FEM1B: variants seen among roughly 807,000 people sequenced by gnomAD.
The protein encoded by FEM1B is protein fem-1 homolog B.
A neutral mutation model predicts 38.6 loss-of-function variants in FEM1B; 10 were observed. That is an observed-to-expected ratio of 0.26 (90% CI 0.16 to 0.44). The LOEUF (loss-of-function observed/expected upper bound fraction) is 0.44, where lower values mean the gene tolerates loss of function less well. Among genes scored for constraint, FEM1B ranks in the 20% least tolerant of loss-of-function variants. The pLI, the probability that FEM1B is intolerant of heterozygous loss-of-function variation, is 1.00. For synonymous variants in FEM1B, 288 were observed against 288.0 expected (o/e 1.00, Z 0.00); for missense variants, 471 against 786.7 (o/e 0.60, Z 4.80).
At position 68,295,579 on chromosome 15, in the gene FEM1B, A is replaced by G. The variant is rs1469085921; in HGVS notation, c.*4337A>G. The G allele has an allele frequency of 6.6e-6, 1 of 152,220 alleles. No homozygotes were observed. The highest frequency in any genetic ancestry group is 1.5e-5 in the Non-Finnish European group (1 of 68,032). The allele number at this position is 152,220 out of a possible 1,614,324, so 9.4% of individuals were successfully genotyped here. ...CAGAGGAACTACACTGTTGTATTCT[A>G]GTAATTCACTGTGATTTATAACAAA... On this transcript the variant is annotated 3_prime_UTR_variant, in exon 2 of 2. Coordinates refer to ENST00000306917, the MANE Select transcript of FEM1B (RefSeq NM_015322.5).
rs1255621264 is a variant in FEM1B at position 68,291,063 on chromosome 15, A to T, written c.1705A>T (p.Thr569Ser). ...TGAAGCCGGAGCTCACACTGACATG[A>T]CGAATAAACAGAATAAGACTCCGCT... The part of the protein sequence containing the change: ...LVEAGAHTDM[T>S]NKQNKTPLDK... The change falls in exon 2 of 2, where the codon ACG becomes TCG. Residue 569 changes from threonine (T) to serine (S), a missense_variant. Thr to Ser is a moderately conservative substitution (Grantham distance 58). This residue lies in a region of FEM1B where 380 missense variants were observed against 599.6 expected (regional missense o/e 0.63). Coordinates refer to ENST00000306917, the MANE Select transcript of FEM1B (RefSeq NM_015322.5). The surrounding 1 kb of genome is among the most constrained non-coding windows in gnomAD (Gnocchi z 6.9). 1 of 1,614,118 alleles carries T rather than the reference A, an allele frequency of 6.2e-7. No homozygotes were observed. Among genetic ancestry groups the T allele is most frequent in the South Asian group, 1.1e-5 (1 of 91,088 alleles).
At position 68,294,069 on chromosome 15, in the gene FEM1B, A is replaced by C. The variant is rs1892876802; in HGVS notation, c.*2827A>C. ...TTCATTCGCAAATCATGAGAAACTT[A>C]AGTGGGTTTTATGCACTTGATAGAG... On this transcript the variant is annotated 3_prime_UTR_variant, in exon 2 of 2. Transcript: ENST00000306917. The surrounding 1 kb of genome is among the most constrained non-coding windows in gnomAD (Gnocchi z 4.4). 6.6e-6 allele frequency: 1 copy of C among 152,214 alleles called. No homozygotes were observed. The highest frequency in any genetic ancestry group is 6.5e-5 in the Admixed American group (1 of 15,280). 9.4% of individuals were successfully genotyped at this position (152,214 alleles called of 1,614,324 possible).
chr15:68,279,066 A>C (rs777247568), intron 1 of FEM1B, among the ~76,000 whole-genome samples: 3 of 152,222 alleles, frequency 2.0e-5, no homozygotes, highest in Non-Finnish European at 4.4e-5. Flanking sequence ...AAGAACTCCG[A>C]AAGAGTTATT....
rs1567112727 is a variant in FEM1B at position 68,281,640 on chromosome 15, C to CG, written c.248+2977dup. 6.6e-6 allele frequency among the ~76,000 whole-genome samples: 1 copy of CG among 151,690 alleles called. No homozygotes were observed. Among genetic ancestry groups the CG allele is most frequent in the African/African-American group, 2.4e-5 (1 of 41,208 alleles). ...TCTTGTTCACTTTTTTTTTTTGAGACGGAGTCTCGCTCTGTCGCCGGGGCT... is the reference window on the plus strand; with the variant it reads ...TCTTGTTCACTTTTTTTTTTTGAGACGGGAGTCTCGCTCTGTCGCCGGGGCT... On this transcript the variant is annotated intron_variant, in intron 1 of 1. Transcript: ENST00000306917. The surrounding 1 kb of genome is among the most constrained non-coding windows in gnomAD (Gnocchi z 5.1).
Position 68,278,449 on chromosome 15 carries a change from C to G in FEM1B, c.32C>G (p.Ala11Gly). MEGLAGYVYK[A>G]ASEGKVLTLA... ...GGCCTGGCTGGCTATGTATACAAGG[C>G]GGCCAGCGAGGGCAAGGTGCTGACT... Residue 11 changes from alanine (A) to glycine (G), a missense_variant, in exon 1 of 2, where the codon GCG (alanine) becomes GGG (glycine). Coordinates refer to ENST00000306917, the MANE Select transcript of FEM1B (RefSeq NM_015322.5). The surrounding 1 kb of genome is among the most constrained non-coding windows in gnomAD (Gnocchi z 5.7). The G allele has an allele frequency of 6.2e-7, 1 of 1,613,148 alleles. No individual in the cohort carries two copies. The highest frequency in any genetic ancestry group is 8.5e-7 in the Non-Finnish European group (1 of 1,179,966).
Position 68,294,437 on chromosome 15 carries a change from G to A in FEM1B, c.*3195G>A, listed in dbSNP as rs80042059. On this transcript the variant is annotated 3_prime_UTR_variant, in exon 2 of 2. Coordinates refer to ENST00000306917, the MANE Select transcript of FEM1B (RefSeq NM_015322.5). This position sits in a 1 kb window ranked among gnomAD's most constrained non-coding sequence, Gnocchi z 4.4. ...CATTGTTTGAAGTAAAATATGATTTGGGGGCAGCAGCTTTCTAAATACCAA... is the reference window on the plus strand; with the variant it reads ...CATTGTTTGAAGTAAAATATGATTTAGGGGCAGCAGCTTTCTAAATACCAA... 5.3e-4 allele frequency: 80 copies of A among 152,232 alleles called. No homozygotes were observed. The highest frequency in any genetic ancestry group is 1.9e-3 in the African/African-American group (77 of 41,534). 9.4% of individuals were successfully genotyped at this position (152,232 alleles called of 1,614,324 possible).
chr15:68,286,792 AAACAT>A (rs72038688), intron 1 of FEM1B, among the ~76,000 whole-genome samples: 42,346 of 151,876 alleles, frequency 0.28, 6,321 homozygotes, highest in Non-Finnish European at 0.33. Flanking sequence ...ATGACAATAA[AAACAT>A]AACAAAAAAA....
rs1475393243 is a variant in FEM1B, at chr15:68,290,586, G to A, written c.1228G>A (p.Val410Ile). 6.2e-7 allele frequency: 1 copy of A among 1,614,106 alleles called. No homozygotes were observed. The highest frequency in any genetic ancestry group is 2.2e-5 in the East Asian group (1 of 44,904). The change falls in exon 2 of 2, where the codon GTT becomes ATT. Residue 410 changes from valine to isoleucine, a missense_variant. This residue lies in a region of FEM1B where 380 missense variants were observed against 599.6 expected (regional missense o/e 0.63). Transcript: ENST00000306917. This position sits in a 1 kb window ranked among gnomAD's most constrained non-coding sequence, Gnocchi z 9.7. ...TGTGAAGGCCCCAGACATAGAATGT[G>A]TTTTGAGATGCAGTGTTTTGGAAAT... is the stretch of plus-strand genomic sequence containing the variant. ...ETVKAPDIEC[V>I]LRCSVLEIEQ...
At chr15:68,279,491 G>A (rs1480407163) in intron 1 of FEM1B, among the ~76,000 whole-genome samples, 3 of 152,176 alleles carry the variant, frequency 2.0e-5, no homozygotes, top group Admixed American at 2.0e-4. Flanking sequence ...TATGCTGGAG[G>A]ATTATAACAC....
rs772569429 is a variant in FEM1B, at chr15:68,290,738, C to G, written c.1380C>G (p.Ser460Arg). 4 of 1,613,834 alleles carry G rather than the reference C, an allele frequency of 2.5e-6. No homozygotes were observed. Among genetic ancestry groups the G allele is most frequent in the Non-Finnish European group, 2.5e-6 (3 of 1,179,910 alleles). ...LVCISTKTQC[S>R]EEDQCKINKQ... ...GCATCTCTACCAAAACACAGTGCAG[C>G]GAAGAAGATCAGTGCAAAATTAACA... is the stretch of plus-strand genomic sequence containing the variant. Residue 460 changes from serine to arginine, a missense_variant, in exon 2 of 2, where the codon AGC becomes AGG. Coordinates refer to ENST00000306917, the MANE Select transcript of FEM1B (RefSeq NM_015322.5). The surrounding 1 kb of genome is among the most constrained non-coding windows in gnomAD (Gnocchi z 9.7).
chr15:68,290,026 T>C lies in FEM1B; in HGVS notation c.668T>C (p.Leu223Ser). ...GTGAATGGCCATGGGATGACGCCAT[T>C]GAAAGTAGCTGCCGAAAGCTGTAAA... ...IVVNGHGMTP[L>S]KVAAESCKAD... Residue 223 changes from leucine (L) to serine (S), a missense_variant, in exon 2 of 2, where the codon TTG (leucine) becomes TCG (serine). By Grantham distance (145) the Leu-to-Ser change is moderately radical. Around this residue, in one of 3 missense-constraint regions of FEM1B, gnomAD observed 380 missense variants for 599.6 expected, o/e 0.63. Coordinates refer to ENST00000306917, the MANE Select transcript of FEM1B (RefSeq NM_015322.5). This position sits in a 1 kb window ranked among gnomAD's most constrained non-coding sequence, Gnocchi z 9.7. 3 of 1,614,222 alleles carry C rather than the reference T, an allele frequency of 1.9e-6. No individual in the cohort carries two copies. Among genetic ancestry groups the C allele is most frequent in the Non-Finnish European group, 2.5e-6 (3 of 1,180,038 alleles).
At chr15:68,287,110 C>T (rs541211412) in intron 1 of FEM1B, among the ~76,000 whole-genome samples, 26 of 152,268 alleles carry the variant, frequency 1.7e-4, no homozygotes, top group African/African-American at 5.5e-4. Flanking sequence ...AGGTTGGTCT[C>T]GAACTCCTGA....
chr15:68,278,301 C>G lies in FEM1B; in HGVS notation c.-117C>G. On this transcript the variant is annotated 5_prime_UTR_variant, in exon 1 of 2. Coordinates refer to ENST00000306917, the MANE Select transcript of FEM1B (RefSeq NM_015322.5). This position sits in a 1 kb window ranked among gnomAD's most constrained non-coding sequence, Gnocchi z 5.7. Reference sequence around the variant, plus strand: ...TGCCTGGGCGCGGCGGCGGCGACGGCGCCCTGTTGAATGGGCTGTGAGGGC... The same window carrying G: ...TGCCTGGGCGCGGCGGCGGCGACGGGGCCCTGTTGAATGGGCTGTGAGGGC... 7.4e-7 allele frequency: 1 copy of G among 1,355,030 alleles called. No homozygotes were observed. The highest frequency in any genetic ancestry group is 9.9e-7 in the Non-Finnish European group (1 of 1,014,858). The allele number at this position is 1,355,030 out of a possible 1,614,324, so 83.9% of individuals were successfully genotyped here.
In FEM1B at chr15:68,288,386, C is replaced by A. The variant is rs1218772590; in HGVS notation, c.249-1221C>A. ...GGTTTTTGGTGTGTATATTTAATTG[C>A]CCTAGTGAATATTCCTTTGATCAAC... On this transcript the variant is annotated intron_variant, in intron 1 of 1. Coordinates refer to ENST00000306917, the MANE Select transcript of FEM1B (RefSeq NM_015322.5). The surrounding 1 kb of genome is among the most constrained non-coding windows in gnomAD (Gnocchi z 4.6). 6.6e-6 allele frequency among the ~76,000 whole-genome samples: 1 copy of A among 151,720 alleles called. No homozygotes were observed. The highest frequency in any genetic ancestry group is 1.5e-5 in the Non-Finnish European group (1 of 68,028).
chr15:68,282,164 G>A (rs544901777), intron 1 of FEM1B, among the ~76,000 whole-genome samples: 11 of 152,228 alleles, frequency 7.2e-5, no homozygotes, highest in African/African-American at 2.6e-4. Context: ...ACTGCTCTCT[G>A]CCAGAGTTTG....
Position 68,278,538 on chromosome 15 carries a change from C to A in FEM1B, c.121C>A (p.Gln41Lys), listed in dbSNP as rs761162059. The change falls in exon 1 of 2, where the codon CAG becomes AAG. Residue 41 changes from glutamine (Q) to lysine (K), a missense_variant. Physicochemically the swap from Gln to Lys is moderately conservative, Grantham distance 53. This residue lies in a region of FEM1B where 91 missense variants were observed against 169.6 expected (regional missense o/e 0.54). Coordinates refer to ENST00000306917, the MANE Select transcript of FEM1B (RefSeq NM_015322.5). The surrounding 1 kb of genome is among the most constrained non-coding windows in gnomAD (Gnocchi z 5.7). ...DIRYLLGYVS[Q>K]QGGQRSTPLI... is the part of the protein sequence containing the mutation. Reference sequence around the variant, plus strand: ...CCGCTATCTGCTTGGCTATGTCAGCCAGCAGGGAGGGCAGCGCTCCACGCC... The same window carrying A: ...CCGCTATCTGCTTGGCTATGTCAGCAAGCAGGGAGGGCAGCGCTCCACGCC... 1.2e-6 allele frequency: 2 copies of A among 1,614,112 alleles called. No homozygotes were observed. Among genetic ancestry groups the A allele is most frequent in the Non-Finnish European group, 1.7e-6 (2 of 1,180,030 alleles).
Position 68,290,186 on chromosome 15 carries a change from A to G in FEM1B, c.828A>G (p.Leu276=). 3 of 1,614,038 alleles carry G rather than the reference A, an allele frequency of 1.9e-6. No individual in the cohort carries two copies. The highest frequency in any genetic ancestry group is 2.5e-6 in the Non-Finnish European group (3 of 1,179,986). The change falls in exon 2 of 2, where the codon CTA becomes CTG. Residue 276 remains leucine, a synonymous_variant. Coordinates refer to ENST00000306917, the MANE Select transcript of FEM1B (RefSeq NM_015322.5). This position sits in a 1 kb window ranked among gnomAD's most constrained non-coding sequence, Gnocchi z 9.7. Reference sequence around the variant, plus strand: ...ACATCATAAAGACATACCACTATCTATATTTAGCCATGTTAGAGAGGTTCC... The same window carrying G: ...ACATCATAAAGACATACCACTATCTGTATTTAGCCATGTTAGAGAGGTTCC... ...NYDIIKTYHY[L]YLAMLERFQD...
rs758186768 is a variant in FEM1B, at chr15:68,289,913, T to C, written c.555T>C (p.His185=). The C allele has an allele frequency of 4.3e-6, 7 of 1,614,062 alleles. 1 individual carries two copies. The South Asian group carries it at 7.7e-5, about 18-fold the overall frequency. Residue 185 remains histidine (H), a synonymous_variant, in exon 2 of 2, where the codon CAT becomes CAC. Coordinates refer to ENST00000306917, the MANE Select transcript of FEM1B (RefSeq NM_015322.5). This position sits in a 1 kb window ranked among gnomAD's most constrained non-coding sequence, Gnocchi z 6.9. ...GTGCTGATCCCAATGCCAAAGCACA[T>C]TGTGGAGCCACAGCATTGCACTTTG... is the stretch of plus-strand genomic sequence containing the variant. ...EQRADPNAKA[H]CGATALHFAA... is the part of the protein sequence containing the mutation.
chr15:68,287,951 A>G (rs867469766), intron 1 of FEM1B, among the ~76,000 whole-genome samples: 67 of 149,036 alleles, frequency 4.5e-4, no homozygotes, highest in African/African-American at 1.5e-3. Flanking sequence ...CTCTTGCCTC[A>G]GGCTCCTATC....
Sources: allele counts gnomAD v4.1 joint callset (sites outside exome capture counted in the v4.1 genomes callset), GRCh38; gene constraint gnomAD v4.1.1; regional missense constraint gnomAD v4.1.1; non-coding constraint Gnocchi (gnomAD v3.1); transcripts MANE v1.5; gene names NCBI Gene and HGNC (gene_info 2026-07-23, HGNC 2026-07-21).